MMP14: variants seen among roughly 807,000 people sequenced by gnomAD.
MMP14 encodes the protein matrix metalloproteinase-14.
MMP14 carries 13 observed loss-of-function variants against 64.8 expected under a neutral mutation model. The ratio of observed to expected loss-of-function variants is 0.20; its 90% confidence interval spans 0.13 to 0.32. The LOEUF (loss-of-function observed/expected upper bound fraction) is 0.32. Among genes scored for constraint, MMP14 ranks in the 10% least tolerant of loss-of-function variants. MMP14 has a pLI of 1.00. For missense variants in MMP14, 594 were observed against 783.8 expected (o/e 0.76, Z 2.89); for synonymous variants, 322 against 315.9 (o/e 1.02, Z -0.20).
At chr14:22,837,750 C>T (rs1482067163) in intron 1 of MMP14, among the ~76,000 whole-genome samples, 1 of 152,206 alleles carries the variant, frequency 6.6e-6, no homozygotes, top group South Asian at 2.1e-4. Flanking sequence ...GCCCTCACGT[C>T]GGGGCTGGCT....
intron 7 of MMP14, 53 bp from the exon 8 acceptor site, chr14:22,844,577 A>C (rs2039798390): frequency 6.2e-7 from 1 of 1,613,360 alleles, no homozygotes; most frequent in African/African-American, 1.3e-5. Context: ...GATTTCCTCT[A>C]AAGTCCCTAG....
chr14:22,843,777 T>C lies in MMP14; in HGVS notation c.918T>C (p.Pro306=), dbSNP rs755866690. The C allele has an allele frequency of 6.2e-7, 1 of 1,613,514 alleles. No individual in the cohort carries two copies. ...GGACTACCTCCCGGCCTTCTGTTCC[T>C]GATAAACCCAAAAACCCCACCTATG... The part of the protein sequence containing the change: ...QPRTTSRPSV[P]DKPKNPTYGP... The change falls in exon 6 of 10, where the codon CCT becomes CCC. Residue 306 remains proline (P), a synonymous_variant. Transcript: ENST00000311852. The surrounding 1 kb of genome is among the most constrained non-coding windows in gnomAD (Gnocchi z 4.8).
In MMP14 at chr14:22,845,480, C is replaced by A. The variant is rs1044236389; in HGVS notation, c.1417+114C>A. 3 of 882,024 alleles carry A rather than the reference C, an allele frequency of 3.4e-6. No homozygotes were observed. In the East Asian group the frequency reaches 7.7e-5, roughly 23 times the overall value. The allele number at this position is 882,024 out of a possible 1,614,324, so 54.6% of individuals were successfully genotyped here. On this transcript the variant is annotated intron_variant, in intron 9 of 9. Coordinates refer to ENST00000311852, the MANE Select transcript of MMP14 (RefSeq NM_004995.4). ...GTGGAAAACAACGGCGATGATAATACCACATACCAGGCGCTGGGCTAGGTG... is the reference window on the plus strand; with the variant it reads ...GTGGAAAACAACGGCGATGATAATAACACATACCAGGCGCTGGGCTAGGTG...
Position 22,845,825 on chromosome 14 carries a change from G to A in MMP14, c.1535G>A (p.Gly512Asp), listed in dbSNP as rs767298621. Reference sequence around the variant, plus strand: ...GACTGGATGGGCTGCCCATCGGGAGGCCGGCCGGATGAGGGGACTGAGGAG... The same window carrying A: ...GACTGGATGGGCTGCCCATCGGGAGACCGGCCGGATGAGGGGACTGAGGAG... ...LRDWMGCPSG[G>D]RPDEGTEEET... Residue 512 changes from glycine to aspartate, a missense_variant, in exon 10 of 10, where the codon GGC becomes GAC. Physicochemically the swap from Gly to Asp is moderately conservative, Grantham distance 94. Transcript: ENST00000311852. 5 of 1,614,142 alleles carry A rather than the reference G, an allele frequency of 3.1e-6. No homozygotes were observed. The highest frequency in any genetic ancestry group is 1.1e-5 in the South Asian group (1 of 91,086).
chr14:22,842,339 G>T lies in MMP14; in HGVS notation c.381-71G>T. On this transcript the variant is annotated intron_variant, in intron 3 of 9. Transcript: ENST00000311852. This position sits in a 1 kb window ranked among gnomAD's most constrained non-coding sequence, Gnocchi z 5.3. ...GCCGCGCAGTCAGACCTGGGAGAGT[G>T]CAGGGAAGGAGAATGTTGCCCCTCT... The T allele has an allele frequency of 1.3e-6, 2 of 1,527,012 alleles. No individual in the cohort carries two copies. The highest frequency in any genetic ancestry group is 8.9e-7 in the Non-Finnish European group (1 of 1,121,732). The allele number at this position is 1,527,012 out of a possible 1,614,324, so 94.6% of individuals were successfully genotyped here.
chr14:22,840,974 T>A (rs950104809), intron 1 of MMP14, among the ~76,000 whole-genome samples: 1 of 152,228 alleles, frequency 6.6e-6, no homozygotes, highest in African/African-American at 2.4e-5. Flanking sequence ...TAGCTCTTTT[T>A]TCTGCCCTCC....
chr14:22,836,974 A>G (rs760175377), intron 1 of MMP14, 49 bp downstream of exon 1: 21 of 1,443,540 alleles, frequency 1.5e-5, no homozygotes, highest in Non-Finnish European at 1.2e-5. Flanking sequence ...CCGGGAGGCG[A>G]GCCCGGGGGT....
chr14:22,841,813 C>A, intron 2 of MMP14, 100 bp from the exon 3 acceptor site: 1 of 1,541,912 alleles, frequency 6.5e-7, no homozygotes, highest in South Asian at 1.2e-5. Context: ...GGCCTTTCCC[C>A]ACATTGACAC....
At position 22,845,953 on chromosome 14, in the gene MMP14, G is replaced by A. The variant is rs762245747; in HGVS notation, c.1663G>A (p.Val555Met). ...PVLLLLLVLA[V>M]GLAVFFFRRH... ...GCTGCTGCTGCTCCTGGTGCTGGCGGTGGGCCTTGCAGTCTTCTTCTTCAG... is the reference window on the plus strand; with the variant it reads ...GCTGCTGCTGCTCCTGGTGCTGGCGATGGGCCTTGCAGTCTTCTTCTTCAG... The change falls in exon 10 of 10, where the codon GTG becomes ATG. Residue 555 changes from valine (V) to methionine (M), a missense_variant. Physicochemically the swap from Val to Met is conservative, Grantham distance 21 (BLOSUM62 1). Coordinates refer to ENST00000311852, the MANE Select transcript of MMP14 (RefSeq NM_004995.4). 3 of 1,589,054 alleles carry A rather than the reference G, an allele frequency of 1.9e-6. No homozygotes were observed. The highest frequency in any genetic ancestry group is 2.6e-6 in the Non-Finnish European group (3 of 1,167,030).
chr14:22,836,890 C>G lies in MMP14; in HGVS notation c.73C>G (p.Leu25Val), dbSNP rs749088113. 6.2e-7 allele frequency: 1 copy of G among 1,613,716 alleles called. No individual in the cohort carries two copies. The change falls in exon 1 of 10, where the codon CTC (leucine) becomes GTC (valine). Residue 25 changes from leucine to valine, a missense_variant. Coordinates refer to ENST00000311852, the MANE Select transcript of MMP14 (RefSeq NM_004995.4). Reference sequence around the variant, plus strand: ...CACGCTCGGCACCGCGCTCGCCTCCCTCGGCTCGGCCCAAAGCAGCAGCTT... The same window carrying G: ...CACGCTCGGCACCGCGCTCGCCTCCGTCGGCTCGGCCCAAAGCAGCAGCTT... ...LLTLGTALAS[L>V]GSAQSSSFSP... is the part of the protein sequence containing the mutation.
In MMP14 at chr14:22,843,722, GGT is replaced by G. The variant is rs2039790357; in HGVS notation, c.864_865del (p.Phe289ProfsTer18). 1 of 1,590,542 alleles carries G rather than the reference GGT, an allele frequency of 6.3e-7. No homozygotes were observed. Among genetic ancestry groups the G allele is most frequent in the Non-Finnish European group, 8.5e-7 (1 of 1,173,702 alleles). On this transcript the variant is annotated frameshift_variant, in exon 6 of 10. Coordinates refer to ENST00000311852, the MANE Select transcript of MMP14 (RefSeq NM_004995.4). LOFTEE classifies it high-confidence loss of function. This position sits in a 1 kb window ranked among gnomAD's most constrained non-coding sequence, Gnocchi z 4.8. ...TTTTCTGCCCCAGGGGGTGAGTCAGGGTTCCCCACCAAGATGCCCCCTCAACC... is the reference window on the plus strand; with the variant it reads ...TTTTCTGCCCCAGGGGGTGAGTCAGGTCCCCACCAAGATGCCCCCTCAACC...
intron 9 of MMP14, 99 bp downstream of exon 9, chr14:22,845,465 A>C: frequency 1.0e-6 from 1 of 1,004,990 alleles, no homozygotes; most frequent in Non-Finnish European, 1.5e-6. Context: ...GTGGAAAACA[A>C]CGGCGATGAT....
In MMP14 at chr14:22,843,134, G is replaced by T; in HGVS notation, c.689-123G>T. On this transcript the variant is annotated intron_variant, in intron 4 of 9. Coordinates refer to ENST00000311852, the MANE Select transcript of MMP14 (RefSeq NM_004995.4). The surrounding 1 kb of genome is among the most constrained non-coding windows in gnomAD (Gnocchi z 4.8). ...GATAAAAAGCTAGACCTCAGAATTT[G>T]GCCACTTTGGATTGAAAACATGGGC... The T allele has an allele frequency of 2.7e-6, 3 of 1,120,812 alleles. No individual in the cohort carries two copies. The highest frequency in any genetic ancestry group is 3.8e-6 in the Non-Finnish European group (3 of 790,608). The allele number at this position is 1,120,812 out of a possible 1,614,324, so 69.4% of individuals were successfully genotyped here.
chr14:22,844,985 C>T (rs1253354679), intron 8 of MMP14, among the ~76,000 whole-genome samples: 1 of 152,158 alleles, frequency 6.6e-6, no homozygotes, highest in South Asian at 2.1e-4. Context: ...CAGACCTGGT[C>T]ATTTGGCGCC....
Position 22,847,702 on chromosome 14 carries a change from C to G in MMP14, c.*1663C>G, listed in dbSNP as rs1182603014. The G allele has an allele frequency of 2.0e-5, 3 of 152,014 alleles. No individual in the cohort carries two copies. Among genetic ancestry groups the G allele is most frequent in the Admixed American group, 1.3e-4 (2 of 15,256 alleles). The allele number at this position is 152,014 out of a possible 1,614,324, so 9.4% of individuals were successfully genotyped here. On this transcript the variant is annotated 3_prime_UTR_variant, in exon 10 of 10. Transcript: ENST00000311852. The stretch of plus-strand genomic sequence containing the variant: ...CAGGGCGGGGCTGGGTCGGTGCCCT[C>G]TAAGGACAATTTTGACCTTGTTCAA...
chr14:22,845,621 C>T, intron 9 of MMP14, 87 bp from the exon 10 acceptor site: 1 of 1,375,472 alleles, frequency 7.3e-7, no homozygotes, highest in Non-Finnish European at 1.0e-6. Flanking sequence ...CTCAGCTGCC[C>T]TCACATTAAC....
chr14:22,844,542 T>G lies in MMP14; in HGVS notation c.1150+33T>G, dbSNP rs1179226207. On this transcript the variant is annotated intron_variant, in intron 7 of 9. Transcript: ENST00000311852. ...GGCACTCCACTTTAGTCTTTGGGAG[T>G]GAGGCGGGTCTCCCTAGAGGAGCTG... 3.1e-6 allele frequency: 5 copies of G among 1,613,748 alleles called. 1 individual carries two copies. In the South Asian group the frequency reaches 5.5e-5, roughly 18 times the overall value.
chr14:22,841,468 A>G (rs370413667), intron 1 of MMP14, 23 bp from the exon 2 acceptor site: 46 of 1,611,672 alleles, frequency 2.9e-5, no homozygotes, highest in Non-Finnish European at 3.6e-5. Flanking sequence ...GGGACACTCT[A>G]AGCCATACCC....
chr14:22,836,824 C>G lies in MMP14; in HGVS notation c.7C>G (p.Pro3Ala), dbSNP rs1200274982. The G allele has an allele frequency of 1.2e-6, 2 of 1,601,868 alleles. No homozygotes were observed. Among genetic ancestry groups the G allele is most frequent in the East Asian group, 2.2e-5 (1 of 44,608 alleles). Reference sequence around the variant, plus strand: ...GACCCGGTGGTCTCGGACCATGTCTCCCGCCCCAAGACCCCCCCGTTGTCT... The same window carrying G: ...GACCCGGTGGTCTCGGACCATGTCTGCCGCCCCAAGACCCCCCCGTTGTCT... MS[P>A]APRPPRCLLL... Residue 3 changes from proline to alanine, a missense_variant, in exon 1 of 10, where the codon CCC becomes GCC. Around this residue, in one of 4 missense-constraint regions of MMP14, gnomAD observed 45 missense variants for 48.8 expected, o/e 0.92. Transcript: ENST00000311852.
Sources: gnomAD v4.1 joint callset for allele counts (sites outside exome capture counted in the v4.1 genomes callset) on GRCh38, gnomAD v4.1.1 for gene constraint, gnomAD v4.1.1 regional missense constraint, Gnocchi (gnomAD v3.1) non-coding constraint, MANE v1.5 for transcripts, NCBI Gene and HGNC (gene_info 2026-07-23, HGNC 2026-07-21) for gene names.